RIMBP2: variants seen among roughly 807,000 people sequenced by gnomAD.
RIMBP2 encodes the protein RIMS binding protein 2.
RIMBP2 carries 48 observed loss-of-function variants against 118.6 expected under a neutral mutation model. The ratio of observed to expected loss-of-function variants is 0.40; its 90% CI spans 0.32 to 0.51. The LOEUF is 0.51. Ranked by LOEUF, RIMBP2 falls within the 20% of genes least tolerant of loss-of-function variation. The pLI, the probability that RIMBP2 is intolerant of heterozygous loss-of-function variation, is 0.41. For missense variants in RIMBP2, 1,551 were observed against 1,768.3 expected, an observed-to-expected ratio of 0.88 and a Z score of 2.20; for synonymous variants, 762 against 742.9, an observed-to-expected ratio of 1.03 and a Z score of -0.42.
intron 2 of RIMBP2, among the ~76,000 whole-genome samples, chr12:130,610,616 A>G (rs889276925): frequency 8.3e-6 from 1 of 119,824 alleles, no homozygotes; most frequent in Admixed American, 1.2e-4. Context: ...GCTGGAGTGC[A>G]GTGGCGCGAT....
intron 22 of RIMBP2, 132 bp downstream of exon 22, chr12:130,399,547 G>A: frequency 2.0e-6 from 2 of 1,016,198 alleles, no homozygotes; most frequent in Non-Finnish European, 2.9e-6. Flanking sequence ...ATGGCTTCAG[G>A]GCAGAGAAAA....
At chr12:130,640,967 A>G (rs192156262) in intron 1 of RIMBP2, among the ~76,000 whole-genome samples, 142 of 152,356 alleles carry the variant, frequency 9.3e-4, no homozygotes, top group Non-Finnish European at 1.8e-3. Flanking sequence ...GCCATCAACC[A>G]AAGAAAGGGC....
At chr12:130,449,899 G>A (rs988297872) in intron 9 of RIMBP2, among the ~76,000 whole-genome samples, 5 of 152,032 alleles carry the variant, frequency 3.3e-5, no homozygotes, top group East Asian at 1.9e-4. Context: ...TGGAGCCCTC[G>A]GAGGGCGAGA....
intron 6 of RIMBP2, chr12:130,466,089 G>A (rs1479135633): frequency 6.6e-6 from 1 of 152,190 alleles, no homozygotes; most frequent in Non-Finnish European, 1.5e-5. Context: ...AAGTGAAATG[G>A]GCATTATCTT....
At chr12:130,527,640 TCA>T (rs2052944869) in intron 2 of RIMBP2, among the ~76,000 whole-genome samples, 1 of 151,784 alleles carries the variant, frequency 6.6e-6, no homozygotes, top group Non-Finnish European at 1.5e-5. Flanking sequence ...GAAACTATCA[TCA>T]GAGCAAACAG....
intron 2 of RIMBP2, among the ~76,000 whole-genome samples, chr12:130,592,842 G>GA (rs992901850): frequency 6.6e-6 from 1 of 152,174 alleles, no homozygotes; most frequent in African/African-American, 2.4e-5. Context: ...GGGAGCGGGA[G>GA]AGATGGACAG....
At chr12:130,438,334 A>AGGGC in intron 12 of RIMBP2, 31 bp downstream of exon 12, 20 of 1,344,504 alleles carry the variant, frequency 1.5e-5, no homozygotes, top group Non-Finnish European at 2.1e-5. Flanking sequence ...GGGCCTAACA[A>AGGGC]ACCCTCCCCA....
chr12:130,486,729 A>G (rs2082520365), intron 4 of RIMBP2, among the ~76,000 whole-genome samples: 1 of 147,564 alleles, frequency 6.8e-6, no homozygotes, highest in South Asian at 2.1e-4. Flanking sequence ...AAAACCTCCC[A>G]ATTTAAAAAA....
intron 2 of RIMBP2, among the ~76,000 whole-genome samples, chr12:130,530,459 C>G (rs567723725): frequency 6.6e-6 from 1 of 150,984 alleles, no homozygotes; most frequent in Non-Finnish European, 1.5e-5. Context: ...AATATTTATA[C>G]AATAAGGCAG....
Position 130,420,094 on chromosome 12 carries a change from A to T in RIMBP2, c.3238+2359T>A, listed in dbSNP as rs933742386. On this transcript the variant is annotated intron_variant, in intron 17 of 22. Coordinates refer to ENST00000690449, the MANE Select transcript of RIMBP2 (RefSeq NM_001393629.1). The surrounding 1 kb of genome is among the most constrained non-coding windows in gnomAD (Gnocchi z 4.3). ...ATTGTTTTCTAGTATTTTCACAAGA[A>T]AAATAGAAGTAAATGACAACTAGAG... Among the ~76,000 whole-genome samples, 15 of 152,228 alleles carry T rather than the reference A, an allele frequency of 9.9e-5. No homozygotes were observed. Among genetic ancestry groups the T allele is most frequent in the Admixed American group, 9.2e-4 (14 of 15,288 alleles).
intron 1 of RIMBP2, among the ~76,000 whole-genome samples, chr12:130,645,437 A>G (rs543545823): frequency 6.6e-6 from 1 of 152,320 alleles, no homozygotes; most frequent in Non-Finnish European, 1.5e-5. Context: ...CAGGCCCCTG[A>G]AGTTCACTGC....
intron 2 of RIMBP2, among the ~76,000 whole-genome samples, chr12:130,627,289 A>G (rs1047806002): frequency 1.2e-4 from 18 of 152,264 alleles, no homozygotes; most frequent in African/African-American, 4.3e-4. Context: ...CAGGTGGAAC[A>G]GTCAGTGCCA....
chr12:130,478,027 C>A (rs892734824), intron 5 of RIMBP2, among the ~76,000 whole-genome samples: 2 of 151,364 alleles, frequency 1.3e-5, no homozygotes, highest in African/African-American at 2.5e-5. Flanking sequence ...GCACCCCAAG[C>A]CCATAGGCTC....
At chr12:130,597,463 C>T (rs1202791175) in intron 2 of RIMBP2, among the ~76,000 whole-genome samples, 1 of 152,172 alleles carries the variant, frequency 6.6e-6, no homozygotes, top group African/African-American at 2.4e-5. Context: ...AGGCTGGTCT[C>T]AAACTCCTGA....
chr12:130,460,115 A>G (rs1354422801), intron 6 of RIMBP2, among the ~76,000 whole-genome samples: 1 of 152,194 alleles, frequency 6.6e-6, no homozygotes, highest in Non-Finnish European at 1.5e-5. Flanking sequence ...AGCAGCCACC[A>G]GGTGGCTCAC....
intron 1 of RIMBP2, among the ~76,000 whole-genome samples, chr12:130,684,594 T>G (rs1744166913): frequency 6.6e-6 from 1 of 152,216 alleles, no homozygotes; most frequent in South Asian, 2.1e-4. Flanking sequence ...GATAACAGTT[T>G]GATAACATTT....
intron 1 of RIMBP2, among the ~76,000 whole-genome samples, chr12:130,708,576 A>T (rs1566473561): frequency 6.6e-6 from 1 of 152,002 alleles, no homozygotes; most frequent in Non-Finnish European, 1.5e-5. Flanking sequence ...AGTCCCAGAT[A>T]CAAAGGATGC....
At chr12:130,461,881 T>C (rs1339444731) in intron 6 of RIMBP2, among the ~76,000 whole-genome samples, 1 of 152,100 alleles carries the variant, frequency 6.6e-6, no homozygotes, top group Non-Finnish European at 1.5e-5. Flanking sequence ...ATCACCTTCA[T>C]AAACCTTCAT....
chr12:130,411,273 A>G (rs1593202376), intron 19 of RIMBP2, among the ~76,000 whole-genome samples: 1 of 152,158 alleles, frequency 6.6e-6, no homozygotes, highest in Non-Finnish European at 1.5e-5. Flanking sequence ...AGATTTTCTA[A>G]GTAGATTTCC....
Sources: gnomAD v4.1 joint callset for allele counts (sites outside exome capture counted in the v4.1 genomes callset) on GRCh38, gnomAD v4.1.1 for gene constraint, Gnocchi (gnomAD v3.1) non-coding constraint, MANE v1.5 for transcripts, NCBI Gene and HGNC (gene_info 2026-07-23, HGNC 2026-07-21) for gene names.